Variants in ST3GAL3 observed in about 807,000 individuals in gnomAD.
ST3GAL3 encodes the protein ST3 beta-galactoside alpha-2,3-sialyltransferase 3, also known as CMP-N-acetylneuraminate-beta-1,4-galactoside alpha-2,3-sialyltransferase.
A neutral mutation model predicts 50.1 loss-of-function variants in ST3GAL3; 21 were observed. The ratio of observed to expected loss-of-function variants is 0.42; its 90% CI spans 0.30 to 0.60. The LOEUF (loss-of-function observed/expected upper bound fraction) is 0.60. Among genes scored for constraint, ST3GAL3 ranks in the 20% least tolerant of loss-of-function variants. The pLI, the probability that ST3GAL3 is intolerant of heterozygous loss-of-function variation, is 0.19. For synonymous variants in ST3GAL3, 183 were observed against 190.0 expected (o/e 0.96, Z 0.30); for missense variants, 353 against 489.4 (o/e 0.72, Z 2.63).
chr1:43,771,094 CT>C (rs1694966814), intron 2 of ST3GAL3, among the ~76,000 whole-genome samples: 1 of 152,198 alleles, frequency 6.6e-6, no homozygotes, highest in Non-Finnish European at 1.5e-5. Context: ...CAGTGGAATT[CT>C]TTTGTCCCTC....
intron 1 of ST3GAL3, among the ~76,000 whole-genome samples, chr1:43,735,257 T>C (rs1379601342): frequency 2.6e-5 from 4 of 152,212 alleles, no homozygotes; most frequent in Non-Finnish European, 5.9e-5. Context: ...TTACTCGACA[T>C]GGCACAAGGG....
chr1:43,832,340 T>A (rs2063654973), intron 4 of ST3GAL3, among the ~76,000 whole-genome samples: 1 of 152,182 alleles, frequency 6.6e-6, no homozygotes, highest in East Asian at 1.9e-4. Flanking sequence ...AGCTGAGAAA[T>A]ACCACAAGTT....
intron 2 of ST3GAL3, among the ~76,000 whole-genome samples, chr1:43,788,446 T>C (rs1218270762): frequency 1.3e-5 from 2 of 152,188 alleles, no homozygotes; most frequent in Non-Finnish European, 2.9e-5. Context: ...GGAAAACTCT[T>C]AGGATGCTTT....
chr1:43,873,034 A>G (rs572015408), intron 5 of ST3GAL3, among the ~76,000 whole-genome samples: 1 of 152,328 alleles, frequency 6.6e-6, no homozygotes, highest in African/African-American at 2.4e-5. Flanking sequence ...AGTAAGAAAG[A>G]GAAATCTGAA....
intron 2 of ST3GAL3, chr1:43,736,761 C>T: frequency 3.0e-6 from 1 of 334,834 alleles, no homozygotes; most frequent in South Asian, 2.6e-5. Context: ...TGGTTTCCAT[C>T]TGCCCTTAAA....
intron 11 of ST3GAL3, among the ~76,000 whole-genome samples, chr1:43,926,514 G>T (rs572166207): frequency 6.8e-6 from 1 of 146,748 alleles, no homozygotes; most frequent in Non-Finnish European, 1.5e-5. Context: ...GCTTGAACTC[G>T]GGAGGCAGAG....
chr1:43,797,749 A>G (rs1369212574), intron 3 of ST3GAL3, among the ~76,000 whole-genome samples: 1 of 152,196 alleles, frequency 6.6e-6, no homozygotes, highest in Non-Finnish European at 1.5e-5. Context: ...AGTCAATGTA[A>G]TAAAGCAATA....
At chr1:43,888,918 A>T (rs2076327635) in intron 5 of ST3GAL3, among the ~76,000 whole-genome samples, 1 of 152,146 alleles carries the variant, frequency 6.6e-6, no homozygotes, top group Non-Finnish European at 1.5e-5. Context: ...CAGCAAACCC[A>T]CTTTTAGGAA....
chr1:43,892,402 C>T (rs1453720170), intron 5 of ST3GAL3, among the ~76,000 whole-genome samples: 1 of 152,134 alleles, frequency 6.6e-6, no homozygotes, highest in Non-Finnish European at 1.5e-5. Context: ...GGACTACAGT[C>T]TCTGTATAGC....
At chr1:43,844,579 A>C (rs2065920029) in intron 5 of ST3GAL3, among the ~76,000 whole-genome samples, 1 of 152,124 alleles carries the variant, frequency 6.6e-6, no homozygotes, top group Non-Finnish European at 1.5e-5. Flanking sequence ...TGGGAGGCCG[A>C]GGAGGGTGGA....
chr1:43,848,876 T>A (rs2066763258), intron 5 of ST3GAL3, among the ~76,000 whole-genome samples: 1 of 152,206 alleles, frequency 6.6e-6, no homozygotes, highest in Non-Finnish European at 1.5e-5. Flanking sequence ...ATAGTTTATA[T>A]TGCTATGTCT....
intron 1 of ST3GAL3, among the ~76,000 whole-genome samples, chr1:43,714,432 C>CAA (rs35400929): frequency 0.4 from 29,654 of 73,456 alleles, 5,100 homozygotes; most frequent in East Asian, 0.53. Context: ...TACTAAAATA[C>CAA]AAAAAAAAAA....
intron 4 of ST3GAL3, among the ~76,000 whole-genome samples, chr1:43,822,269 C>T (rs905611543): frequency 2.0e-5 from 3 of 152,112 alleles, no homozygotes; most frequent in African/African-American, 7.2e-5. Context: ...TCCTGGTGTC[C>T]AAGTGTGACT....
chr1:43,894,776 C>T (rs1429687610), intron 6 of ST3GAL3, among the ~76,000 whole-genome samples: 6 of 151,934 alleles, frequency 3.9e-5, no homozygotes, highest in South Asian at 2.1e-4. Context: ...ACCATAGGCA[C>T]GCACCACCAT....
chr1:43,775,273 A>G (rs1359697014), intron 2 of ST3GAL3, among the ~76,000 whole-genome samples: 1 of 148,004 alleles, frequency 6.8e-6, no homozygotes, highest in Non-Finnish European at 1.5e-5. Context: ...CGCTCTTGTC[A>G]CCCAGGCTGG....
chr1:43,756,100 C>CAAAAAAAAAAAAAAAAAAAAAAAA (rs139101819), intron 2 of ST3GAL3, among the ~76,000 whole-genome samples: 1 of 72,134 alleles, frequency 1.4e-5, no homozygotes, highest in African/African-American at 7.3e-5. Flanking sequence ...GAACCAGTCT[C>CAAAAAAAAAAAAAAAAAAAAAAAA]AAAAAAAAAA....
chr1:43,760,755 C>CAA (rs543172085), intron 2 of ST3GAL3, among the ~76,000 whole-genome samples: 1 of 131,782 alleles, frequency 7.6e-6, no homozygotes, highest in African/African-American at 2.8e-5. Context: ...GGCTCCGTCT[C>CAA]AAAAAAAAAA....
At chr1:43,727,975 A>T (rs2154080299) in intron 1 of ST3GAL3, among the ~76,000 whole-genome samples, 1 of 151,804 alleles carries the variant, frequency 6.6e-6, no homozygotes, top group East Asian at 1.9e-4. Flanking sequence ...TCACCCATGT[A>T]CTCAGCATAG....
chr1:43,745,003 AAAG>A (rs1037314661), intron 2 of ST3GAL3, among the ~76,000 whole-genome samples: 14 of 150,106 alleles, frequency 9.3e-5, no homozygotes, highest in African/African-American at 2.0e-4. Context: ...AAAAAAGAAA[AAAG>A]AAAGAAAGAA....
Sources: allele counts gnomAD v4.1 joint callset (sites outside exome capture counted in the v4.1 genomes callset), GRCh38; gene constraint gnomAD v4.1.1; transcripts MANE v1.5; gene names NCBI Gene and HGNC (gene_info 2026-07-23, HGNC 2026-07-21).